Variants in TAF4B observed in about 807,000 individuals in gnomAD.
TAF4B encodes transcription initiation factor TFIID subunit 4B.
Under a neutral mutation model 86.4 loss-of-function variants are expected in TAF4B, and 38 were observed. The ratio of observed to expected loss-of-function variants is 0.44; its 90% CI spans 0.34 to 0.58. TAF4B has a LOEUF of 0.58. TAF4B is among the 20% of genes least tolerant of loss of function. TAF4B has a pLI of 0.02. For missense variants in TAF4B, 988 were observed against 1,027.6 expected (o/e 0.96, Z 0.53); for synonymous variants, 388 against 391.2 (o/e 0.99, Z 0.10).
intron 13 of TAF4B, among the ~76,000 whole-genome samples, chr18:26,355,552 T>C (rs1337989207): frequency 1.3e-5 from 2 of 152,236 alleles, no homozygotes; most frequent in Non-Finnish European, 2.9e-5. Context: ...CTATGGTCAG[T>C]TTCCATTTTT....
In TAF4B at chr18:26,307,199, T is replaced by G. The variant is rs974711662; in HGVS notation, c.1833-8030T>G. On this transcript the variant is annotated intron_variant, in intron 9 of 14. Coordinates refer to ENST00000269142, the MANE Select transcript of TAF4B (RefSeq NM_005640.3). ...ATATTAGCTCTTGTCTTGACCAAAC[T>G]GTATGACATTTAATAATATAGAATG... Among the ~76,000 whole-genome samples the G allele has an allele frequency of 1.4e-4, 21 of 152,200 alleles. 1 individual carries two copies. Among genetic ancestry groups the G allele is most frequent in the Non-Finnish European group, 4.4e-5 (3 of 68,036 alleles).
chr18:26,335,373 A>G, intron 13 of TAF4B, 142 bp downstream of exon 13: 2 of 683,856 alleles, frequency 2.9e-6, no homozygotes, highest in South Asian at 3.7e-5. Context: ...GCTAAAGGCA[A>G]GGGCAGTACT....
intron 13 of TAF4B, among the ~76,000 whole-genome samples, chr18:26,340,872 A>G (rs1039610381): frequency 3.3e-5 from 5 of 152,140 alleles, no homozygotes; most frequent in Admixed American, 6.5e-5. Context: ...TTATCATCCA[A>G]TTATCATTCA....
intron 1 of TAF4B, chr18:26,256,007 C>T (rs1241553869): frequency 2.2e-5 from 28 of 1,284,324 alleles, no homozygotes; most frequent in Admixed American, 1.2e-4. Flanking sequence ...ATCAGAATTA[C>T]GATGTTTAAA....
At chr18:26,262,314 C>G (rs901180410) in intron 1 of TAF4B, among the ~76,000 whole-genome samples, 1 of 151,918 alleles carries the variant, frequency 6.6e-6, no homozygotes, top group African/African-American at 2.4e-5. Context: ...GTCTTCTTGG[C>G]CACACTCCCT....
At chr18:26,295,108 A>G (rs2056645854) in intron 9 of TAF4B, 1 of 193,664 alleles carries the variant, frequency 5.2e-6, no homozygotes, top group Admixed American at 6.1e-5. Flanking sequence ...TTTTAACTGC[A>G]TAATTTATAT....
chr18:26,351,236 G>T (rs953446674), intron 13 of TAF4B, among the ~76,000 whole-genome samples: 1 of 152,076 alleles, frequency 6.6e-6, no homozygotes, highest in African/African-American at 2.4e-5. Flanking sequence ...GGAAACTGGA[G>T]GACTTATGTT....
chr18:26,238,689 A>G (rs1180950317), intron 1 of TAF4B, among the ~76,000 whole-genome samples: 1 of 151,986 alleles, frequency 6.6e-6, no homozygotes, highest in Non-Finnish European at 1.5e-5. Flanking sequence ...TGCTGCACCC[A>G]TTAACTCATC....
rs568663576 is a variant in TAF4B at position 26,381,079 on chromosome 18, A to G, written c.2422-8766A>G. Among the ~76,000 whole-genome samples the G allele has an allele frequency of 2.0e-3, 311 of 152,228 alleles. 2 individuals are homozygous for G. The highest frequency in any genetic ancestry group is 7.3e-3 in the African/African-American group (303 of 41,546). On this transcript the variant is annotated intron_variant, in intron 14 of 14. Coordinates refer to ENST00000269142, the MANE Select transcript of TAF4B (RefSeq NM_005640.3). ...GCCCAGGCTGGAGTGCAGTGGCACA[A>G]TCATTGCTCATTACAGCCTCGACCT... is the stretch of plus-strand genomic sequence containing the variant.
At position 26,305,604 on chromosome 18, in the gene TAF4B, A is replaced by G. The variant is rs181105047; in HGVS notation, c.1833-9625A>G. 4.7e-3 allele frequency among the ~76,000 whole-genome samples: 709 copies of G among 152,164 alleles called. 4 individuals are homozygous for G. The highest frequency in any genetic ancestry group is 7.9e-3 in the Non-Finnish European group (535 of 67,994). ...GTATTTTTAGTAGAGACGGGGTTTC[A>G]TCATGTTGGCCAGGCCAGTCTCAAA... On this transcript the variant is annotated intron_variant, in intron 9 of 14. Coordinates refer to ENST00000269142, the MANE Select transcript of TAF4B (RefSeq NM_005640.3).
chr18:26,245,254 C>T (rs1456201677), intron 1 of TAF4B, among the ~76,000 whole-genome samples: 1 of 152,142 alleles, frequency 6.6e-6, no homozygotes, highest in Non-Finnish European at 1.5e-5. Flanking sequence ...AACAAGCCCC[C>T]AAGATGTGTC....
intron 14 of TAF4B, among the ~76,000 whole-genome samples, chr18:26,367,591 A>G (rs1598833771): frequency 6.6e-6 from 1 of 152,230 alleles, no homozygotes; most frequent in East Asian, 1.9e-4. Flanking sequence ...TCAAATGCTA[A>G]TCTCTTCCCA....
At chr18:26,287,009 TTACTG>T (rs2056532382) in intron 7 of TAF4B, among the ~76,000 whole-genome samples, 1 of 152,124 alleles carries the variant, frequency 6.6e-6, no homozygotes, top group South Asian at 2.1e-4. Context: ...ACGTAAGTCT[TTACTG>T]AACCACCTGA....
At chr18:26,249,754 T>C (rs1035283696) in intron 1 of TAF4B, among the ~76,000 whole-genome samples, 1 of 152,160 alleles carries the variant, frequency 6.6e-6, no homozygotes, top group African/African-American at 2.4e-5. Flanking sequence ...AGTCTCATTC[T>C]TTCTTTCGCC....
chr18:26,309,538 C>T (rs998929589), intron 9 of TAF4B, among the ~76,000 whole-genome samples: 4 of 151,862 alleles, frequency 2.6e-5, no homozygotes, highest in Admixed American at 6.6e-5. Flanking sequence ...CAAGAGGACC[C>T]GTGGATTTTA....
Position 26,274,985 on chromosome 18 carries a change from C to G in TAF4B, c.814C>G (p.Leu272Val). 6.2e-7 allele frequency: 1 copy of G among 1,612,936 alleles called. No homozygotes were observed. Among genetic ancestry groups the G allele is most frequent in the Non-Finnish European group, 8.5e-7 (1 of 1,179,792 alleles). Residue 272 changes from leucine (L) to valine (V), a missense_variant, in exon 5 of 15, where the codon CTA becomes GTA. Physicochemically the swap from Leu to Val is conservative, Grantham distance 32. Coordinates refer to ENST00000269142, the MANE Select transcript of TAF4B (RefSeq NM_005640.3). The stretch of plus-strand genomic sequence containing the variant: ...GAACTTCCTTGCAATGTTAATAAAA[C>G]TAGCATGTAGTGGATCACAGTCCCC... ...CKNFLAMLIK[L>V]ACSGSQSPEM...
intron 13 of TAF4B, chr18:26,348,227 G>C (rs2057216308): frequency 6.6e-6 from 1 of 152,110 alleles, no homozygotes; most frequent in African/African-American, 2.4e-5. Flanking sequence ...TATCTTACCT[G>C]ACCACCATGG....
intron 1 of TAF4B, among the ~76,000 whole-genome samples, chr18:26,242,827 T>A (rs1436993313): frequency 6.6e-6 from 1 of 152,202 alleles, no homozygotes; most frequent in African/African-American, 2.4e-5. Flanking sequence ...AGGATTTTAT[T>A]TCTCCTTCAC....
intron 14 of TAF4B, among the ~76,000 whole-genome samples, chr18:26,381,093 C>T (rs965172841): frequency 2.0e-5 from 3 of 152,098 alleles, no homozygotes; most frequent in Admixed American, 6.5e-5. Context: ...TTGCTCATTA[C>T]AGCCTCGACC....
Sources: allele counts gnomAD v4.1 joint callset (sites outside exome capture counted in the v4.1 genomes callset), GRCh38; gene constraint gnomAD v4.1.1; transcripts MANE v1.5; gene names NCBI Gene and HGNC (gene_info 2026-07-23, HGNC 2026-07-21).